Variants in SPAG16 observed in about 807,000 individuals in gnomAD.
SPAG16 encodes sperm-associated antigen 16 protein.
In SPAG16, 86 loss-of-function variants were observed where a neutral mutation model predicts 80.4. The observed-to-expected ratio is 1.07, with a 90% CI of 0.90 to 1.28. The LOEUF (loss-of-function observed/expected upper bound fraction) is 1.28, where lower values mean the gene tolerates loss of function less well. Ranked by LOEUF, SPAG16 falls within the 50% of genes most tolerant of loss-of-function variation. SPAG16 has a pLI of 0.00. For missense variants in SPAG16, 870 were observed against 765.3 expected (o/e 1.14, Z -1.61); for synonymous variants, 294 against 265.9 (o/e 1.11, Z -1.03).
intron 15 of SPAG16, among the ~76,000 whole-genome samples, chr2:214,269,985 A>G (rs1327760461): frequency 6.6e-6 from 1 of 152,190 alleles, no homozygotes; most frequent in Non-Finnish European, 1.5e-5. Context: ...GGATTAAAGG[A>G]AAGAGAATGT....
chr2:213,808,092 C>T (rs777312222), intron 10 of SPAG16, among the ~76,000 whole-genome samples: 13 of 152,098 alleles, frequency 8.5e-5, no homozygotes, highest in Non-Finnish European at 1.6e-4. Flanking sequence ...GATTAAATTA[C>T]TGAAGAGGCC....
chr2:213,785,852 C>A (rs1453029262), intron 10 of SPAG16, among the ~76,000 whole-genome samples: 1 of 151,868 alleles, frequency 6.6e-6, no homozygotes, highest in Non-Finnish European at 1.5e-5. Context: ...ACTAACAATA[C>A]AAAAATTAGC....
At chr2:213,292,878 A>T (rs2062350701) in intron 1 of SPAG16, among the ~76,000 whole-genome samples, 1 of 152,148 alleles carries the variant, frequency 6.6e-6, no homozygotes, top group African/African-American at 2.4e-5. Flanking sequence ...ATCATTTACT[A>T]TAAGCCAGGC....
At chr2:214,282,869 G>A (rs978260095) in intron 15 of SPAG16, among the ~76,000 whole-genome samples, 3 of 152,036 alleles carry the variant, frequency 2.0e-5, no homozygotes, top group African/African-American at 4.8e-5. Context: ...GACATATTAT[G>A]TATGATAGCA....
chr2:213,489,188 G>C (rs535195459), intron 9 of SPAG16, among the ~76,000 whole-genome samples: 1 of 152,138 alleles, frequency 6.6e-6, no homozygotes, highest in African/African-American at 2.4e-5. Flanking sequence ...TTCTCTCAGA[G>C]CAATTTTAAA....
chr2:214,304,108 T>C (rs1576728729), intron 15 of SPAG16, among the ~76,000 whole-genome samples: 1 of 152,196 alleles, frequency 6.6e-6, no homozygotes, highest in African/African-American at 2.4e-5. Context: ...GAACATGTGG[T>C]ATTTGGTTTT....
intron 9 of SPAG16, among the ~76,000 whole-genome samples, chr2:213,466,776 T>C (rs949469952): frequency 6.6e-6 from 1 of 152,154 alleles, no homozygotes; most frequent in African/African-American, 2.4e-5. Flanking sequence ...TATTGTAAAA[T>C]TTTAACCTGA....
At chr2:213,990,877 C>T (rs921485739) in intron 12 of SPAG16, among the ~76,000 whole-genome samples, 7 of 152,072 alleles carry the variant, frequency 4.6e-5, no homozygotes, top group African/African-American at 1.2e-4. Flanking sequence ...GGAATTTTGC[C>T]GCTTGAACCA....
At chr2:213,461,296 G>A (rs1374138223) in intron 9 of SPAG16, among the ~76,000 whole-genome samples, 23 of 152,178 alleles carry the variant, frequency 1.5e-4, no homozygotes, top group Admixed American at 1.5e-3. Flanking sequence ...AGTATAGGGT[G>A]TTATATTTAT....
At chr2:214,053,546 C>T (rs775823123) in intron 13 of SPAG16, among the ~76,000 whole-genome samples, 3 of 152,094 alleles carry the variant, frequency 2.0e-5, no homozygotes, top group Non-Finnish European at 2.9e-5. Flanking sequence ...AACCTTTCCC[C>T]AGAAAAACCC....
chr2:214,047,623 T>C (rs960619155), intron 13 of SPAG16, among the ~76,000 whole-genome samples: 5 of 152,104 alleles, frequency 3.3e-5, no homozygotes, highest in African/African-American at 1.2e-4. Context: ...CCCCAGGACA[T>C]TGGTCTGGGC....
chr2:214,008,269 A>G (rs1211241961), intron 12 of SPAG16, among the ~76,000 whole-genome samples: 1 of 152,092 alleles, frequency 6.6e-6, no homozygotes, highest in African/African-American at 2.4e-5. Flanking sequence ...TGCACCCATT[A>G]TAACTATATG....
At chr2:214,076,937 A>ATCTT (rs1190345578) in intron 13 of SPAG16, among the ~76,000 whole-genome samples, 4 of 152,172 alleles carry the variant, frequency 2.6e-5, no homozygotes, top group Non-Finnish European at 5.9e-5. Flanking sequence ...GTTCAGAGTC[A>ATCTT]TCTTATATAT....
chr2:213,488,671 T>G (rs1449096152), intron 9 of SPAG16, among the ~76,000 whole-genome samples: 1 of 152,138 alleles, frequency 6.6e-6, no homozygotes, highest in Admixed American at 6.5e-5. Flanking sequence ...TAAACCACAG[T>G]GTTAATAGTA....
intron 15 of SPAG16, among the ~76,000 whole-genome samples, chr2:214,222,876 A>G (rs1186442787): frequency 3.9e-5 from 6 of 152,156 alleles, no homozygotes; most frequent in Non-Finnish European, 1.5e-5. Flanking sequence ...CTTGGGTTAT[A>G]TTTTTTAAAA....
chr2:214,399,131 C>G (rs1331379362), intron 15 of SPAG16, among the ~76,000 whole-genome samples: 1 of 152,080 alleles, frequency 6.6e-6, no homozygotes, highest in Non-Finnish European at 1.5e-5. Flanking sequence ...AAATTCAGAG[C>G]TAATCTATGA....
chr2:213,585,391 C>T (rs949713705), intron 10 of SPAG16, among the ~76,000 whole-genome samples: 2 of 151,400 alleles, frequency 1.3e-5, no homozygotes, highest in African/African-American at 4.9e-5. Context: ...ATTCTTGTGC[C>T]TCAGCCTCCT....
At chr2:213,362,921 C>G (rs575620521) in intron 7 of SPAG16, among the ~76,000 whole-genome samples, 2 of 152,156 alleles carry the variant, frequency 1.3e-5, no homozygotes, top group African/African-American at 4.8e-5. Context: ...ACCTCCAACA[C>G]TGGGGATCAC....
At chr2:213,804,615 G>A (rs888920041) in intron 10 of SPAG16, among the ~76,000 whole-genome samples, 14 of 152,148 alleles carry the variant, frequency 9.2e-5, no homozygotes, top group South Asian at 2.1e-4. Flanking sequence ...CCCTGGAGGC[G>A]GAGCTTGCAG....
Sources: gnomAD v4.1 joint callset for allele counts (sites outside exome capture counted in the v4.1 genomes callset) on GRCh38, gnomAD v4.1.1 for gene constraint, MANE v1.5 for transcripts, NCBI Gene and HGNC (gene_info 2026-07-23, HGNC 2026-07-21) for gene names.